The following BPI variants were observed in gnomAD, a reference collection of about 807,000 sequenced individuals.
BPI encodes the protein bactericidal permeability-increasing protein.
Under a neutral mutation model 57.6 loss-of-function variants are expected in BPI, and 48 were observed. That is an observed-to-expected ratio of 0.83 (90% CI 0.66 to 1.06). The LOEUF is 1.06. BPI is among the 50% of genes least tolerant of loss of function. The probability of loss-of-function intolerance (pLI) is 0.00; values close to 1 mark genes in which losing one functional copy is unlikely to be tolerated. For missense variants in BPI, 651 were observed against 609.7 expected (o/e 1.07, Z -0.71); for synonymous variants, 237 against 238.2 (o/e 0.99, Z 0.05).
intron 4 of BPI, 48 bp from the exon 5 acceptor site, chr20:38,311,826 A>T (rs760128002): frequency 1.3e-6 from 2 of 1,587,796 alleles, no homozygotes; most frequent in Non-Finnish European, 8.6e-7. Context: ...AATCCAGCCC[A>T]GGGACAATCA....
chr20:38,304,444 C>A (rs144044734), intron 1 of BPI, 91 bp downstream of exon 1: 8 of 1,514,464 alleles, frequency 5.3e-6, no homozygotes, highest in Non-Finnish European at 7.1e-6. Flanking sequence ...CAGCACCTGG[C>A]ACACTCATAG....
In BPI at chr20:38,331,034, T is replaced by G. The variant is rs5743535; in HGVS notation, c.1230-14T>G. 104,986 of 1,613,144 alleles carry G rather than the reference T, an allele frequency of 0.065. 3,894 individuals carry two copies. Among genetic ancestry groups the G allele is most frequent in the South Asian group, 0.12 (10,576 of 91,020 alleles). ...GCAATTGGTGGTCTCAGTCCCCTCC[T>G]CCCCCTCTCACAGGCTGCTCCTGGA... On this transcript the variant is annotated splice_polypyrimidine_tract_variant and intron_variant, in intron 11 of 14. Transcript: ENST00000642449.
chr20:38,321,428 C>T (rs1253816989), intron 7 of BPI, among the ~76,000 whole-genome samples: 1 of 152,114 alleles, frequency 6.6e-6, no homozygotes, highest in Non-Finnish European at 1.5e-5. Context: ...TTTGTCCTAG[C>T]TGTTCCCCCT....
rs1392659634 is a variant in BPI, at chr20:38,320,065, G to A, written c.665-118G>A. 4 of 838,266 alleles carry A rather than the reference G, an allele frequency of 4.8e-6. No individual in the cohort carries two copies. The African/African-American group carries it at 6.7e-5, about 14-fold the overall frequency. 51.9% of individuals were successfully genotyped at this position (838,266 alleles called of 1,614,324 possible). Reference sequence around the variant, plus strand: ...TTAAGGAGAGCTCCCTGGAGAAGGTGGGAATGAAACTTGCACTGCAGCTCT... The same window carrying A: ...TTAAGGAGAGCTCCCTGGAGAAGGTAGGAATGAAACTTGCACTGCAGCTCT... On this transcript the variant is annotated intron_variant, in intron 6 of 14. Coordinates refer to ENST00000642449, the MANE Select transcript of BPI (RefSeq NM_001725.3).
At chr20:38,310,448 G>A in intron 3 of BPI, 43 bp from the exon 4 acceptor site, 1 of 1,591,974 alleles carries the variant, frequency 6.3e-7, no homozygotes, top group Non-Finnish European at 8.6e-7. Context: ...AATGTCAGTG[G>A]GAAGAAAGGA....
chr20:38,308,336 T>C (rs560801929), intron 2 of BPI, among the ~76,000 whole-genome samples: 19 of 152,346 alleles, frequency 1.2e-4, no homozygotes, highest in Non-Finnish European at 1.9e-4. Flanking sequence ...CAACTTTCTT[T>C]GGAGTGGCAT....
rs200632000 is a variant in BPI at position 38,335,654 on chromosome 20, G to A, written c.1393G>A (p.Val465Ile). The A allele has an allele frequency of 2.1e-4, 338 of 1,614,158 alleles. 1 individual carries two copies. Among genetic ancestry groups the A allele is most frequent in the East Asian group, 2.9e-4 (13 of 44,892 alleles). ...PTPARVQLYN[V>I]VLQPHQNFLL... The stretch of plus-strand genomic sequence containing the variant: ...GCCGGCCAGAGTCCAGCTCTACAAC[G>A]TAGTGCTTCAGCCTCACCAGGTGAG... The change falls in exon 14 of 15, where the codon GTA becomes ATA. Residue 465 changes from valine to isoleucine, a missense_variant. Transcript: ENST00000642449.
chr20:38,324,864 C>T (rs750130873), intron 9 of BPI, 31 bp downstream of exon 9: 15 of 1,565,292 alleles, frequency 9.6e-6, no homozygotes, highest in African/African-American at 1.4e-5. Flanking sequence ...CTTTAGTGAG[C>T]CCCGGGGGTT....
At chr20:38,308,764 C>G (rs1477793970) in intron 2 of BPI, among the ~76,000 whole-genome samples, 166 bp from the exon 3 acceptor site, 2 of 152,186 alleles carry the variant, frequency 1.3e-5, no homozygotes, top group Non-Finnish European at 2.9e-5. Flanking sequence ...CTCCAGTTGC[C>G]TACATATCTG....
At chr20:38,329,780 T>C (rs2076733315) in intron 11 of BPI, among the ~76,000 whole-genome samples, 1 of 152,156 alleles carries the variant, frequency 6.6e-6, no homozygotes, top group Non-Finnish European at 1.5e-5. Context: ...TGGCATGATC[T>C]CAGCTCACTG....
In BPI at chr20:38,326,345, C is replaced by T. The variant is rs755860983; in HGVS notation, c.1074C>T (p.Thr358=). 43 of 1,614,040 alleles carry T rather than the reference C, an allele frequency of 2.7e-5. No individual in the cohort carries two copies. The highest frequency in any genetic ancestry group is 3.3e-5 in the South Asian group (3 of 91,082). ...CGCCACACCTGTCTGTGCAGCCCAC[C>T]GGCCTTACCTTCTACCCTGCCGTGG... ...STPPHLSVQP[T]GLTFYPAVDV... is the part of the protein sequence containing the mutation. The change falls in exon 10 of 15, where the codon ACC becomes ACT. Residue 358 remains threonine (T), a synonymous_variant. Transcript: ENST00000642449.
chr20:38,327,528 G>T, intron 10 of BPI, 60 bp from the exon 11 acceptor site: 1 of 1,591,320 alleles, frequency 6.3e-7, no homozygotes, highest in Admixed American at 1.7e-5. Flanking sequence ...TCTTGGTTTG[G>T]AGGCCTTGCA....
chr20:38,314,070 G>A (rs1232990538), intron 5 of BPI, among the ~76,000 whole-genome samples: 1 of 151,870 alleles, frequency 6.6e-6, no homozygotes, highest in Non-Finnish European at 1.5e-5. Context: ...TGGTGAGGTT[G>A]ATGATGATGA....
At chr20:38,335,803 G>A in intron 14 of BPI, 129 bp downstream of exon 14, 1 of 845,926 alleles carries the variant, frequency 1.2e-6, no homozygotes, top group Non-Finnish European at 1.9e-6. Flanking sequence ...ACTCTGGGAT[G>A]TGGGTGCTGT....
chr20:38,320,107 G>T (rs1193316286), intron 6 of BPI, 76 bp from the exon 7 acceptor site: 2 of 1,232,896 alleles, frequency 1.6e-6, no homozygotes, highest in Non-Finnish European at 2.4e-6. Context: ...AATTTTAGGG[G>T]ATTCTGATCC....
chr20:38,320,154 A>C, intron 6 of BPI, 29 bp from the exon 7 acceptor site: 1 of 1,567,288 alleles, frequency 6.4e-7, no homozygotes, highest in Non-Finnish European at 8.8e-7. Flanking sequence ...CGTGGGAGCC[A>C]GCTCATGGTC....
intron 3 of BPI, among the ~76,000 whole-genome samples, chr20:38,310,069 C>A (rs1240129033): frequency 1.3e-5 from 2 of 152,196 alleles, no homozygotes; most frequent in African/African-American, 2.4e-5. Context: ...AGTTATTAAC[C>A]TCATTACTGA....
chr20:38,327,436 G>A, intron 10 of BPI, 152 bp from the exon 11 acceptor site: 2 of 715,756 alleles, frequency 2.8e-6, no homozygotes, highest in Admixed American at 2.5e-5. Context: ...CAAAGCCAAG[G>A]GAAGTCTCCC....
At chr20:38,318,601 G>A in intron 6 of BPI, 125 bp downstream of exon 6, 1 of 1,000,410 alleles carries the variant, frequency 1.0e-6, no homozygotes, top group Non-Finnish European at 1.6e-6. Context: ...GGAATGAGCA[G>A]AGTAGTACAT....
Sources: allele counts gnomAD v4.1 joint callset (sites outside exome capture counted in the v4.1 genomes callset), GRCh38; gene constraint gnomAD v4.1.1; transcripts MANE v1.5; gene names NCBI Gene and HGNC (gene_info 2026-07-23, HGNC 2026-07-21).